MCTP1: variants seen among roughly 807,000 people sequenced by gnomAD.
The protein encoded by MCTP1 is multiple C2 and transmembrane domain containing 1.
In MCTP1, 69 loss-of-function variants were observed where a neutral mutation model predicts 120.6. The ratio of observed to expected loss-of-function variants is 0.57; its 90% CI spans 0.47 to 0.70. The LOEUF (loss-of-function observed/expected upper bound fraction) is 0.70. Ranked by LOEUF, MCTP1 falls within the 30% of genes least tolerant of loss-of-function variation. The probability of loss-of-function intolerance (pLI) is 0.00; values close to 1 mark genes in which losing one functional copy is unlikely to be tolerated. For synonymous variants in MCTP1, 529 were observed against 493.1 expected (o/e 1.07, Z -0.96); for missense variants, 1,203 against 1,248.8 (o/e 0.96, Z 0.55).
chr5:95,208,591 G>A (rs1000420926), intron 1 of MCTP1, among the ~76,000 whole-genome samples: 41 of 152,096 alleles, frequency 2.7e-4, no homozygotes, highest in African/African-American at 9.6e-4. Flanking sequence ...TAAATAACAT[G>A]AGCAGGAACA....
chr5:95,201,464 G>T (rs112208429), intron 1 of MCTP1, among the ~76,000 whole-genome samples: 12,168 of 97,242 alleles, frequency 0.13, 713 homozygotes, highest in Middle Eastern at 0.25. Context: ...AGGAAAAGTG[G>T]TTTTTTTTTT....
In MCTP1 at chr5:95,114,990, C is replaced by T. The variant is rs1488778502; in HGVS notation, c.721-97506G>A. 3.3e-5 allele frequency among the ~76,000 whole-genome samples: 5 copies of T among 152,140 alleles called. No homozygotes were observed. The East Asian group carries it at 9.6e-4, about 29-fold the overall frequency. On this transcript the variant is annotated intron_variant, in intron 1 of 22. Transcript: ENST00000515393. The stretch of plus-strand genomic sequence containing the variant: ...AGAACAAGAGTCTTTGCTTGGTAAT[C>T]CCGAGAATACTTCTGGATCTTATCC...
intron 17 of MCTP1, among the ~76,000 whole-genome samples, chr5:94,816,704 T>A (rs192952123): frequency 8.9e-4 from 135 of 152,242 alleles, no homozygotes; most frequent in Admixed American, 2.4e-3. Flanking sequence ...TTCTATCATG[T>A]GCCATAGCAA....
chr5:95,024,049 T>C (rs1178345386), intron 1 of MCTP1: 2 of 444,222 alleles, frequency 4.5e-6, no homozygotes, highest in Non-Finnish European at 9.0e-6. Flanking sequence ...AATCTACGGA[T>C]GGTCTTTTCC....
At chr5:94,764,349 G>A (rs893786346) in intron 19 of MCTP1, among the ~76,000 whole-genome samples, 1 of 152,140 alleles carries the variant, frequency 6.6e-6, no homozygotes, top group African/African-American at 2.4e-5. Flanking sequence ...ATTGATAAGA[G>A]CCCACCATGC....
At chr5:94,747,554 G>C (rs1767205093) in intron 19 of MCTP1, among the ~76,000 whole-genome samples, 1 of 152,174 alleles carries the variant, frequency 6.6e-6, no homozygotes, top group East Asian at 1.9e-4. Flanking sequence ...GAAAACAAAT[G>C]GGTGTAGTTG....
At chr5:95,095,592 G>A (rs1756200328) in intron 1 of MCTP1, among the ~76,000 whole-genome samples, 1 of 152,200 alleles carries the variant, frequency 6.6e-6, no homozygotes, top group East Asian at 1.9e-4. Flanking sequence ...CAAGTTTACG[G>A]TGCTACCTTT....
intron 1 of MCTP1, among the ~76,000 whole-genome samples, chr5:95,277,709 C>A (rs1562297282): frequency 6.6e-6 from 1 of 152,054 alleles, no homozygotes; most frequent in African/African-American, 2.4e-5. Flanking sequence ...GCTGAAGGGG[C>A]CTCTCTAAAT....
At chr5:94,940,563 A>AAT (rs34069333) in intron 4 of MCTP1, among the ~76,000 whole-genome samples, 49,216 of 138,066 alleles carry the variant, frequency 0.36, 9,107 homozygotes, top group East Asian at 0.6. Flanking sequence ...CACACACGCA[A>AAT]ATATATATAT....
chr5:95,139,667 T>A (rs1002872847), intron 1 of MCTP1, among the ~76,000 whole-genome samples: 7 of 152,232 alleles, frequency 4.6e-5, no homozygotes, highest in African/African-American at 1.4e-4. Flanking sequence ...TAGTTACATA[T>A]CCAAGAACAC....
At chr5:94,900,977 A>G (rs1805369998) in intron 10 of MCTP1, among the ~76,000 whole-genome samples, 1 of 152,248 alleles carries the variant, frequency 6.6e-6, no homozygotes, top group Non-Finnish European at 1.5e-5. Context: ...TGAAAATTCA[A>G]GTGATCTGCA....
At chr5:94,805,933 A>T (rs1267548550) in intron 17 of MCTP1, among the ~76,000 whole-genome samples, 1 of 150,624 alleles carries the variant, frequency 6.6e-6, no homozygotes, top group Non-Finnish European at 1.5e-5. Flanking sequence ...TTAGGTACTG[A>T]TTATCCAATT....
In MCTP1 at chr5:94,912,921, C is replaced by T; in HGVS notation, c.1406G>A (p.Arg469Lys). 1.9e-6 allele frequency: 3 copies of T among 1,604,816 alleles called. No individual in the cohort carries two copies. Among genetic ancestry groups the T allele is most frequent in the South Asian group, 2.2e-5 (2 of 89,454 alleles). Residue 469 changes from arginine (R) to lysine (K), a missense_variant, in exon 9 of 23, where the codon AGA becomes AAA. Coordinates refer to ENST00000515393, the MANE Select transcript of MCTP1 (RefSeq NM_024717.7). The part of the protein sequence containing the change: ...SDLHRKSHLW[R>K]GIVSITLIEG... Reference sequence around the variant, plus strand: ...AATCAAGGTGATGCTGACTATTCCTCTCCAAAGATGCGATTTTCTGTGTAG... The same window carrying T: ...AATCAAGGTGATGCTGACTATTCCTTTCCAAAGATGCGATTTTCTGTGTAG...
intron 1 of MCTP1, among the ~76,000 whole-genome samples, chr5:95,260,783 G>A (rs967507038): frequency 6.6e-5 from 10 of 152,030 alleles, no homozygotes; most frequent in Non-Finnish European, 1.0e-4. Flanking sequence ...CCCCTCGCAC[G>A]TTTCCAGCAC....
At position 95,091,244 on chromosome 5, in the gene MCTP1, T is replaced by G. The variant is rs202204710; in HGVS notation, c.721-73760A>C. On this transcript the variant is annotated intron_variant, in intron 1 of 22. Coordinates refer to ENST00000515393, the MANE Select transcript of MCTP1 (RefSeq NM_024717.7). ...TGTTCTCCGAGGCTTTCCCCTTCAA[T>G]GCCCTGTCCACCTCTCATTCCCAGG... is the stretch of plus-strand genomic sequence containing the variant. 2.0e-5 allele frequency among the ~76,000 whole-genome samples: 3 copies of G among 152,232 alleles called. No individual in the cohort carries two copies. In the East Asian group the frequency reaches 5.8e-4, roughly 29 times the overall value.
chr5:94,819,018 A>C (rs1785048224), intron 17 of MCTP1, among the ~76,000 whole-genome samples: 1 of 148,948 alleles, frequency 6.7e-6, no homozygotes, highest in Admixed American at 6.7e-5. Flanking sequence ...AGATTTCCAA[A>C]TCTCAGTTGA....
intron 1 of MCTP1, among the ~76,000 whole-genome samples, chr5:95,225,993 C>T (rs1453986603): frequency 6.6e-6 from 1 of 152,128 alleles, no homozygotes; most frequent in Non-Finnish European, 1.5e-5. Context: ...TATATCATCT[C>T]TAATTTTATT....
At chr5:94,887,451 C>T (rs1041684521) in intron 12 of MCTP1, among the ~76,000 whole-genome samples, 1 of 151,964 alleles carries the variant, frequency 6.6e-6, no homozygotes, top group Non-Finnish European at 1.5e-5. Flanking sequence ...CAATTCTATC[C>T]AATTATATAA....
chr5:95,238,552 G>T (rs1466872800), intron 1 of MCTP1, among the ~76,000 whole-genome samples: 1 of 152,030 alleles, frequency 6.6e-6, no homozygotes, highest in Non-Finnish European at 1.5e-5. Flanking sequence ...GAGTTCACTT[G>T]CTCAGTCCAG....
Sources: gnomAD v4.1 joint callset for allele counts (sites outside exome capture counted in the v4.1 genomes callset) on GRCh38, gnomAD v4.1.1 for gene constraint, MANE v1.5 for transcripts, NCBI Gene and HGNC (gene_info 2026-07-23, HGNC 2026-07-21) for gene names.